The following MEGF11 variants were observed in gnomAD, a reference collection of about 807,000 sequenced individuals.
MEGF11 encodes multiple EGF like domains 11.
In MEGF11, 126 loss-of-function variants were observed where a neutral mutation model predicts 146.6. The ratio of observed to expected loss-of-function variants is 0.86; its 90% CI spans 0.74 to 1.00. MEGF11 has a LOEUF of 1.00. MEGF11 is among the 50% of genes least tolerant of loss of function. MEGF11 has a pLI of 0.00. For missense variants in MEGF11, 1,509 were observed against 1,521.2 expected, an observed-to-expected ratio of 0.99 and a Z score of 0.13; for synonymous variants, 532 against 583.4, an observed-to-expected ratio of 0.91 and a Z score of 1.27.
intron 1 of MEGF11, among the ~76,000 whole-genome samples, chr15:66,227,568 C>T (rs2091880131): frequency 6.6e-6 from 1 of 152,096 alleles, no homozygotes; most frequent in South Asian, 2.1e-4. Flanking sequence ...TTCTCTATGC[C>T]CACCACCCAC....
chr15:66,150,589 G>A (rs1390938225), intron 1 of MEGF11, among the ~76,000 whole-genome samples: 2 of 149,956 alleles, frequency 1.3e-5, no homozygotes, highest in African/African-American at 4.9e-5. Flanking sequence ...CTTACACATA[G>A]TAGGCATGTT....
chr15:66,092,779 G>A (rs1488738301), intron 5 of MEGF11, among the ~76,000 whole-genome samples: 2 of 152,094 alleles, frequency 1.3e-5, no homozygotes, highest in South Asian at 2.1e-4. Flanking sequence ...TCAGGGCCCC[G>A]GGGGACCCAG....
At chr15:66,137,830 G>A (rs1298706220) in intron 1 of MEGF11, among the ~76,000 whole-genome samples, 1 of 152,048 alleles carries the variant, frequency 6.6e-6, no homozygotes, top group Non-Finnish European at 1.5e-5. Flanking sequence ...TTACAGGCAT[G>A]AGCCACTCTG....
chr15:65,979,221 A>AT (rs993994547), intron 7 of MEGF11, among the ~76,000 whole-genome samples: 3 of 152,028 alleles, frequency 2.0e-5, no homozygotes, highest in Non-Finnish European at 2.9e-5. Context: ...AAAAATAGAG[A>AT]TCCCCCAGTC....
intron 5 of MEGF11, among the ~76,000 whole-genome samples, chr15:66,053,156 TC>T (rs2084521290): frequency 6.6e-6 from 1 of 152,164 alleles, no homozygotes; most frequent in Non-Finnish European, 1.5e-5. Flanking sequence ...AATGGATACT[TC>T]CTTGTAATTG....
intron 1 of MEGF11, among the ~76,000 whole-genome samples, chr15:66,229,240 G>A (rs2091914193): frequency 6.6e-6 from 1 of 152,028 alleles, no homozygotes; most frequent in Admixed American, 6.6e-5. Context: ...TAGCCTTGCA[G>A]CTTCTGAGCA....
intron 4 of MEGF11, among the ~76,000 whole-genome samples, chr15:66,116,407 C>T (rs2087731943): frequency 6.6e-6 from 1 of 152,118 alleles, no homozygotes; most frequent in African/African-American, 2.4e-5. Context: ...TTAATAAATA[C>T]TGGCTTGAAA....
At chr15:66,170,992 G>T (rs962703437) in intron 1 of MEGF11, among the ~76,000 whole-genome samples, 7 of 152,208 alleles carry the variant, frequency 4.6e-5, no homozygotes, top group Non-Finnish European at 1.0e-4. Flanking sequence ...CCATGTCCTC[G>T]CTCAGCTCCT....
In MEGF11 at chr15:66,247,983, CA is replaced by C. The variant is rs66701917; in HGVS notation, c.-9+5621del. ...GGCAACAAAAGTGAAACTCCGTCTC[CA>C]AAAAAAAAAAAAAAATTGTTCTAGG... On this transcript the variant is annotated intron_variant, in intron 1 of 25. Coordinates refer to ENST00000395614, the MANE Select transcript of MEGF11 (RefSeq NM_001385028.1). Among the ~76,000 whole-genome samples the C allele has an allele frequency of 7.4e-3, 933 of 125,700 alleles. 4 individuals carry two copies. Among genetic ancestry groups the C allele is most frequent in the Admixed American group, 0.01 (129 of 12,296 alleles). 82.5% of individuals were successfully genotyped at this position (125,700 alleles called of 152,430 possible).
intron 1 of MEGF11, among the ~76,000 whole-genome samples, chr15:66,201,854 G>A (rs1237403180): frequency 2.1e-5 from 3 of 142,310 alleles, no homozygotes; most frequent in East Asian, 2.0e-4. Flanking sequence ...GGTTGAGGCA[G>A]AAGAATCACT....
chr15:65,971,566 T>C (rs1477603793), intron 7 of MEGF11, among the ~76,000 whole-genome samples: 1 of 152,172 alleles, frequency 6.6e-6, no homozygotes, highest in African/African-American at 2.4e-5. Context: ...TCTTCCCTGC[T>C]GCGCTCCTAA....
intron 5 of MEGF11, among the ~76,000 whole-genome samples, chr15:66,013,431 C>T (rs1389126898): frequency 1.3e-5 from 2 of 152,004 alleles, no homozygotes; most frequent in Non-Finnish European, 2.9e-5. Flanking sequence ...ATGTTGCACA[C>T]CTGCAATCCT....
intron 1 of MEGF11, among the ~76,000 whole-genome samples, chr15:66,251,236 T>G (rs539150039): frequency 3.1e-4 from 47 of 152,326 alleles, no homozygotes; most frequent in African/African-American, 1.1e-3. Flanking sequence ...GCCTCCTTCT[T>G]AGGACTCAAG....
intron 1 of MEGF11, among the ~76,000 whole-genome samples, chr15:66,161,037 G>A (rs1026095254): frequency 1.3e-5 from 2 of 152,172 alleles, no homozygotes; most frequent in African/African-American, 4.8e-5. Flanking sequence ...CTGGAGGCAG[G>A]CCCGTGGCTC....
chr15:66,143,079 C>T (rs985100445), intron 1 of MEGF11, among the ~76,000 whole-genome samples: 4 of 152,190 alleles, frequency 2.6e-5, no homozygotes, highest in South Asian at 2.1e-4. Context: ...GGGAGGGGTG[C>T]GTCCTAGTGC....
At chr15:66,089,013 G>C (rs1425219698) in intron 5 of MEGF11, among the ~76,000 whole-genome samples, 3 of 152,218 alleles carry the variant, frequency 2.0e-5, no homozygotes, top group African/African-American at 7.2e-5. Flanking sequence ...TCTTTTACCA[G>C]GACTTTTTAA....
intron 4 of MEGF11, among the ~76,000 whole-genome samples, chr15:66,106,440 T>C (rs1162242274): frequency 2.0e-5 from 3 of 152,180 alleles, no homozygotes; most frequent in Non-Finnish European, 4.4e-5. Context: ...ATAAACGCCA[T>C]CACTTCCATA....
chr15:66,196,329 G>A (rs1412068343), intron 1 of MEGF11, among the ~76,000 whole-genome samples: 9 of 151,990 alleles, frequency 5.9e-5, no homozygotes, highest in African/African-American at 7.3e-5. Flanking sequence ...AAAATTAGCC[G>A]GGCATGGTGT....
At chr15:66,069,991 G>C (rs1013138593) in intron 5 of MEGF11, among the ~76,000 whole-genome samples, 1 of 152,120 alleles carries the variant, frequency 6.6e-6, no homozygotes, top group African/African-American at 2.4e-5. Context: ...GCTGACCACC[G>C]CTCTAAGAAA....
Sources: gnomAD v4.1 joint callset for allele counts (sites outside exome capture counted in the v4.1 genomes callset) on GRCh38, gnomAD v4.1.1 for gene constraint, MANE v1.5 for transcripts, NCBI Gene and HGNC (gene_info 2026-07-23, HGNC 2026-07-21) for gene names.